RAD54L2: variants seen among roughly 807,000 people sequenced by gnomAD.
RAD54L2 encodes helicase ARIP4.
In RAD54L2, 27 loss-of-function variants were observed where a neutral mutation model predicts 138.4. The observed-to-expected ratio is 0.20, with a 90% CI of 0.14 to 0.27. The LOEUF (loss-of-function observed/expected upper bound fraction) is 0.27. Among genes scored for constraint, RAD54L2 ranks in the 10% least tolerant of loss-of-function variants. The pLI is 1.00. For synonymous variants in RAD54L2, 644 were observed against 723.2 expected (o/e 0.89, Z 1.76); for missense variants, 1,396 against 1,890.2 (o/e 0.74, Z 4.85).
chr3:51,624,875 A>G (rs991733319), intron 3 of RAD54L2, among the ~76,000 whole-genome samples: 3 of 152,212 alleles, frequency 2.0e-5, no homozygotes, highest in Non-Finnish European at 4.4e-5. Flanking sequence ...GAGCAGTAAC[A>G]TGGATACTCA....
intron 2 of RAD54L2, among the ~76,000 whole-genome samples, chr3:51,545,231 G>A (rs550644312): frequency 2.0e-5 from 3 of 151,982 alleles, no homozygotes; most frequent in Admixed American, 6.6e-5. Flanking sequence ...TTGCTCTGTC[G>A]CCCAGGCTGG....
At chr3:51,656,423 T>C (rs535904579) in intron 20 of RAD54L2, among the ~76,000 whole-genome samples, 1 of 152,270 alleles carries the variant, frequency 6.6e-6, no homozygotes, top group Non-Finnish European at 1.5e-5. Context: ...CTGCAGGAAT[T>C]GTGGAAATGT....
intron 19 of RAD54L2, among the ~76,000 whole-genome samples, chr3:51,646,979 A>T (rs1039528287): frequency 3.3e-5 from 5 of 152,210 alleles, no homozygotes; most frequent in Admixed American, 1.3e-4. Context: ...GAATATTAAC[A>T]GAATAGAAGC....
rs61485263 is a variant in RAD54L2, at chr3:51,560,362, C to CT, written c.-55+18727dup. On this transcript the variant is annotated intron_variant, in intron 2 of 22. Transcript: ENST00000684192. Reference sequence around the variant, plus strand: ...CCTTCCAAATCATTTTCTTTTTTTTCTTTTTTTTTTTTTTTGAGATGGAGT... The same window carrying CT: ...CCTTCCAAATCATTTTCTTTTTTTTCTTTTTTTTTTTTTTTTGAGATGGAGT... Among the ~76,000 whole-genome samples, 1,018 of 138,604 alleles carry CT rather than the reference C, an allele frequency of 7.3e-3. 4 individuals carry two copies. The highest frequency in any genetic ancestry group is 0.019 in the South Asian group (81 of 4,344). The allele number at this position is 138,604 out of a possible 152,430, so 90.9% of individuals were successfully genotyped here.
rs1700506371 is a variant in RAD54L2, at chr3:51,618,930, C to T, written c.140-8623C>T. On this transcript the variant is annotated intron_variant, in intron 3 of 22. Transcript: ENST00000684192. ...TGTGGGTGGGAAATTGCTGAAGCTG[C>T]TGTGGGATAATATTCTAAGATTTTT... Among the ~76,000 whole-genome samples the T allele has an allele frequency of 1.3e-5, 2 of 152,256 alleles. 1 individual carries two copies. The highest frequency in any genetic ancestry group is 4.1e-4 in the South Asian group (2 of 4,826).
intron 3 of RAD54L2, among the ~76,000 whole-genome samples, chr3:51,610,810 AAGAGGGGC>A (rs899283101): frequency 1.1e-4 from 16 of 152,080 alleles, no homozygotes; most frequent in Non-Finnish European, 2.1e-4. Context: ...TGGAACCCCT[AAGAGGGGC>A]AGGAAGCCCA....
chr3:51,600,994 C>T (rs547336164), intron 3 of RAD54L2, among the ~76,000 whole-genome samples: 167 of 152,086 alleles, frequency 1.1e-3, no homozygotes, highest in African/African-American at 4.0e-3. Context: ...CAAAACCCAC[C>T]TATTTTGAGT....
At chr3:51,543,492 C>T (rs932388905) in intron 2 of RAD54L2, among the ~76,000 whole-genome samples, 1 of 151,778 alleles carries the variant, frequency 6.6e-6, no homozygotes, top group Non-Finnish European at 1.5e-5. Flanking sequence ...CCTGTAATCC[C>T]AGCTACTCGG....
Position 51,663,975 on chromosome 3 carries a change from G to GT in RAD54L2, c.*556dup, listed in dbSNP as rs1388214434. 1 of 153,836 alleles carries GT rather than the reference G, an allele frequency of 6.5e-6. No individual in the cohort carries two copies. The highest frequency in any genetic ancestry group is 1.4e-5 in the Non-Finnish European group (1 of 69,960). 9.5% of individuals were successfully genotyped at this position (153,836 alleles called of 1,614,324 possible). The stretch of plus-strand genomic sequence containing the variant: ...GAGTGTGTGTGTGTATGTTTATTTT[G>GT]TATGTGTATGTATGGAACAGAGCAG... On this transcript the variant is annotated 3_prime_UTR_variant, in exon 23 of 23. Transcript: ENST00000684192.
intron 2 of RAD54L2, among the ~76,000 whole-genome samples, chr3:51,579,923 C>G (rs1457869769): frequency 1.3e-5 from 2 of 152,164 alleles, no homozygotes; most frequent in East Asian, 3.8e-4. Context: ...CCATGTGACA[C>G]TATATTTCCA....
intron 7 of RAD54L2, among the ~76,000 whole-genome samples, chr3:51,631,671 C>G (rs1700846934): frequency 6.6e-6 from 1 of 151,850 alleles, no homozygotes; most frequent in African/African-American, 2.4e-5. Context: ...GAGACAGGCT[C>G]TTGCTCTGTC....
chr3:51,586,567 CTTTT>C (rs35274115), intron 2 of RAD54L2, among the ~76,000 whole-genome samples: 1 of 136,810 alleles, frequency 7.3e-6, no homozygotes. Flanking sequence ...AAAGAAAACA[CTTTT>C]TTTTTTTTTT....
chr3:51,557,180 C>CTTTTTTT (rs58428110), intron 2 of RAD54L2, among the ~76,000 whole-genome samples: 1 of 113,344 alleles, frequency 8.8e-6, no homozygotes, highest in Non-Finnish European at 1.7e-5. Flanking sequence ...TTGTTGTTGG[C>CTTTTTTT]TTTTTTTTTT....
chr3:51,555,817 G>C (rs146577265), intron 2 of RAD54L2, among the ~76,000 whole-genome samples: 1 of 152,262 alleles, frequency 6.6e-6, no homozygotes, highest in East Asian at 1.9e-4. Context: ...TTTACCCCCA[G>C]ACACAAGTAC....
intron 2 of RAD54L2, among the ~76,000 whole-genome samples, chr3:51,543,395 G>T (rs1698605621): frequency 6.6e-6 from 1 of 152,072 alleles, no homozygotes; most frequent in Admixed American, 6.6e-5. Context: ...GATCACCTGA[G>T]GTTGGGAGTT....
chr3:51,573,626 C>T (rs191695062), intron 2 of RAD54L2, among the ~76,000 whole-genome samples: 155 of 152,138 alleles, frequency 1.0e-3, no homozygotes, highest in African/African-American at 3.4e-3. Context: ...TGCGCCACCA[C>T]GCCTGACTAA....
At chr3:51,569,371 T>C (rs980546993) in intron 2 of RAD54L2, among the ~76,000 whole-genome samples, 1 of 152,060 alleles carries the variant, frequency 6.6e-6, no homozygotes, top group African/African-American at 2.4e-5. Flanking sequence ...CCCAAAATGG[T>C]ATTTTTGTTG....
chr3:51,651,073 A>G (rs1474826023), intron 19 of RAD54L2, among the ~76,000 whole-genome samples: 2 of 152,214 alleles, frequency 1.3e-5, no homozygotes, highest in African/African-American at 4.8e-5. Context: ...AGAAGAATCA[A>G]ATAGATGCAA....
At chr3:51,614,064 G>T (rs1700391405) in intron 3 of RAD54L2, among the ~76,000 whole-genome samples, 1 of 152,138 alleles carries the variant, frequency 6.6e-6, no homozygotes, top group African/African-American at 2.4e-5. Context: ...GAAACCCTGT[G>T]TAGCCCTGCT....
Sources: allele counts gnomAD v4.1 joint callset (sites outside exome capture counted in the v4.1 genomes callset), GRCh38; gene constraint gnomAD v4.1.1; transcripts MANE v1.5; gene names NCBI Gene and HGNC (gene_info 2026-07-23, HGNC 2026-07-21).